ARMC8: variants seen among roughly 807,000 people sequenced by gnomAD.
ARMC8 encodes the protein armadillo repeat containing 8, also known as armadillo repeat-containing protein 8.
In ARMC8, 20 loss-of-function variants were observed where a neutral mutation model predicts 99.3. The observed-to-expected ratio is 0.20, with a 90% CI of 0.14 to 0.29. ARMC8 has a LOEUF of 0.29. Ranked by LOEUF, ARMC8 falls within the 10% of genes least tolerant of loss-of-function variation. The probability of loss-of-function intolerance (pLI) is 1.00; values close to 1 mark genes in which losing one functional copy is unlikely to be tolerated. For missense variants in ARMC8, 569 were observed against 809.5 expected (o/e 0.70, Z 3.60); for synonymous variants, 263 against 278.3 (o/e 0.95, Z 0.55).
intron 10 of ARMC8, among the ~76,000 whole-genome samples, chr3:138,241,224 A>G (rs1237638421): frequency 6.6e-6 from 1 of 152,182 alleles, no homozygotes; most frequent in African/African-American, 2.4e-5. Flanking sequence ...ACTGTGATAC[A>G]TTTCAGTTGC....
intron 12 of ARMC8, among the ~76,000 whole-genome samples, chr3:138,249,635 T>C (rs2047035674): frequency 6.6e-6 from 1 of 152,102 alleles, no homozygotes; most frequent in African/African-American, 2.4e-5. Flanking sequence ...TATATACTGA[T>C]ATAAAGTATT....
chr3:138,262,423 A>G, intron 12 of ARMC8: 1 of 1,203,738 alleles, frequency 8.3e-7, no homozygotes, highest in Non-Finnish European at 1.2e-6. Context: ...AATAGATGAT[A>G]TTTTCCCTGA....
rs769618360 is a variant in ARMC8, at chr3:138,223,514, T to A, written c.320T>A (p.Ile107Asn). The A allele has an allele frequency of 6.2e-7, 1 of 1,614,216 alleles. No homozygotes were observed. Among genetic ancestry groups the A allele is most frequent in the Admixed American group, 1.7e-5 (1 of 60,028 alleles). The change falls in exon 4 of 22, where the codon ATC becomes AAC. Residue 107 changes from isoleucine (I) to asparagine (N), a missense_variant. This residue lies in a region of ARMC8 where 342 missense variants were observed against 391.6 expected (regional missense o/e 0.87). Coordinates refer to ENST00000469044, the MANE Select transcript of ARMC8 (RefSeq NM_001363941.2). ...NVKSLLDCHI[I>N]PALLQGLLSP... is the part of the protein sequence containing the mutation. Reference sequence around the variant, plus strand: ...AAGTCTCTACTGGACTGCCATATTATCCCTGCCTTATTGCAAGGTATGTAG... The same window carrying A: ...AAGTCTCTACTGGACTGCCATATTAACCCTGCCTTATTGCAAGGTATGTAG...
At position 138,245,413 on chromosome 3, in the gene ARMC8, C is replaced by CT. The variant is rs968433627; in HGVS notation, c.1134+239dup. 2.7e-4 allele frequency: 372 copies of CT among 1,357,972 alleles called. 1 individual carries two copies. Among genetic ancestry groups the CT allele is most frequent in the South Asian group, 9.3e-4 (47 of 50,430 alleles). 84.1% of individuals were successfully genotyped at this position (1,357,972 alleles called of 1,614,324 possible). The stretch of plus-strand genomic sequence containing the variant: ...GCTGGAATGACAAATAACTGGCGTG[C>CT]TTTTTTTTTGTGTCATTAATATGAA... On this transcript the variant is annotated intron_variant, in intron 12 of 21. Coordinates refer to ENST00000469044, the MANE Select transcript of ARMC8 (RefSeq NM_001363941.2).
At chr3:138,213,525 G>A (rs1382857693) in intron 2 of ARMC8, among the ~76,000 whole-genome samples, 4 of 152,286 alleles carry the variant, frequency 2.6e-5, no homozygotes, top group Middle Eastern at 6.8e-3. Flanking sequence ...AGTAAGATAC[G>A]AGCTGAAAGA....
intron 1 of ARMC8, among the ~76,000 whole-genome samples, chr3:138,191,601 C>G (rs145883241): frequency 6.6e-6 from 1 of 152,214 alleles, no homozygotes; most frequent in East Asian, 1.9e-4. Context: ...AGAACTATTC[C>G]GTCACCGCAA....
intron 6 of ARMC8, among the ~76,000 whole-genome samples, chr3:138,231,547 A>G (rs535355934): frequency 6.6e-6 from 1 of 152,294 alleles, no homozygotes; most frequent in East Asian, 1.9e-4. Flanking sequence ...GTATTTGTTG[A>G]AATTCTAACT....
intron 1 of ARMC8, among the ~76,000 whole-genome samples, chr3:138,208,082 ATC>A (rs2044476503): frequency 1.6e-5 from 2 of 121,716 alleles, no homozygotes; most frequent in Non-Finnish European, 3.5e-5. Flanking sequence ...GCAAGACGGC[ATC>A]TCTGTTTTTT....
In ARMC8 at chr3:138,241,927, C is replaced by G. The variant is rs780971336; in HGVS notation, c.982C>G (p.Leu328Val). 13 of 1,614,036 alleles carry G rather than the reference C, an allele frequency of 8.1e-6. No individual in the cohort carries two copies. In the South Asian group the frequency reaches 1.4e-4, roughly 18 times the overall value. ...CATAACTGATCACCTCATTGCCATG[C>G]TTGCTGATTATTTCAAGTATCCCAG... Reference protein sequence around the residue: ...ASITDHLIAMLADYFKYPSSV... With the variant: ...ASITDHLIAMVADYFKYPSSV... The change falls in exon 11 of 22, where the codon CTT (leucine) becomes GTT (valine). Residue 328 changes from leucine to valine, a missense_variant. By Grantham distance (32) the Leu-to-Val change is conservative. This residue lies in a region of ARMC8 where 342 missense variants were observed against 391.6 expected (regional missense o/e 0.87). Transcript: ENST00000469044.
At chr3:138,245,764 A>G (rs2046851708) in intron 12 of ARMC8, 1 of 986,982 alleles carries the variant, frequency 1.0e-6, no homozygotes, top group Non-Finnish European at 1.2e-6. Flanking sequence ...TTATGTTACT[A>G]AAGCCTAGTC....
intron 18 of ARMC8, 85 bp downstream of exon 18, chr3:138,274,629 T>C (rs2049100003): frequency 1.0e-6 from 1 of 987,006 alleles, no homozygotes. Context: ...TATTCAAATC[T>C]GCAGAAGACA....
chr3:138,285,662 T>C (rs949976293), intron 19 of ARMC8, among the ~76,000 whole-genome samples: 1 of 152,222 alleles, frequency 6.6e-6, no homozygotes, highest in African/African-American at 2.4e-5. Flanking sequence ...TCAGTTTTAG[T>C]GATATATGTT....
At chr3:138,232,034 A>G (rs1379731866) in intron 6 of ARMC8, among the ~76,000 whole-genome samples, 2 of 121,902 alleles carry the variant, frequency 1.6e-5, no homozygotes, top group African/African-American at 6.3e-5. Flanking sequence ...GTAGTGGCGC[A>G]ATCTCGGCTC....
At chr3:138,257,875 C>T (rs2047485778) in intron 12 of ARMC8, among the ~76,000 whole-genome samples, 1 of 152,100 alleles carries the variant, frequency 6.6e-6, no homozygotes, top group Admixed American at 6.5e-5. Context: ...TGTGCTGCAC[C>T]CTGCTTGGCT....
intron 6 of ARMC8, among the ~76,000 whole-genome samples, chr3:138,232,788 G>A (rs1042506216): frequency 1.3e-5 from 2 of 152,204 alleles, no homozygotes; most frequent in African/African-American, 4.8e-5. Context: ...TGTATAAAAT[G>A]TCTTGAAACA....
At chr3:138,263,706 T>G in intron 12 of ARMC8, 33 bp from the exon 13 acceptor site, 2 of 1,548,822 alleles carry the variant, frequency 1.3e-6, no homozygotes, top group East Asian at 2.2e-5. Flanking sequence ...ACCTTCATGT[T>G]GTTATTTATG....
chr3:138,191,248 C>T (rs1198175754), intron 1 of ARMC8, among the ~76,000 whole-genome samples: 1 of 152,232 alleles, frequency 6.6e-6, no homozygotes, highest in African/African-American at 2.4e-5. Context: ...CTAGACTGCA[C>T]TATGACCACC....
At chr3:138,198,158 A>G (rs1289341888) in intron 1 of ARMC8, among the ~76,000 whole-genome samples, 1 of 152,126 alleles carries the variant, frequency 6.6e-6, no homozygotes, top group Non-Finnish European at 1.5e-5. Flanking sequence ...ACAGCATAGC[A>G]AAACCCTGTC....
At chr3:138,274,006 C>T (rs904292973) in intron 17 of ARMC8, among the ~76,000 whole-genome samples, 6 of 151,896 alleles carry the variant, frequency 4.0e-5, no homozygotes, top group Non-Finnish European at 7.4e-5. Context: ...GTAGTAGAGA[C>T]GGGGTTTTGC....
Sources: gnomAD v4.1 joint callset for allele counts (sites outside exome capture counted in the v4.1 genomes callset) on GRCh38, gnomAD v4.1.1 for gene constraint, gnomAD v4.1.1 regional missense constraint, MANE v1.5 for transcripts, NCBI Gene and HGNC (gene_info 2026-07-23, HGNC 2026-07-21) for gene names.